STK31: variants seen among roughly 807,000 people sequenced by gnomAD.
STK31 encodes serine/threonine kinase 31, also known as serine/threonine-protein kinase 31.
Under a neutral mutation model 129.7 loss-of-function variants are expected in STK31, and 89 were observed. The ratio of observed to expected loss-of-function variants is 0.69; its 90% CI spans 0.58 to 0.82. The LOEUF is 0.82. STK31 is among the 40% of genes least tolerant of loss of function. STK31 has a pLI of 0.00. For synonymous variants in STK31, 448 were observed against 395.3 expected (o/e 1.13, Z -1.58); for missense variants, 1,187 against 1,176.4 (o/e 1.01, Z -0.13).
intron 8 of STK31, among the ~76,000 whole-genome samples, chr7:23,748,181 C>T (rs1340445528): frequency 6.6e-6 from 1 of 152,116 alleles, no homozygotes; most frequent in Admixed American, 6.5e-5. Context: ...TTAAATTTGT[C>T]ATGAGATTTC....
intron 1 of STK31, among the ~76,000 whole-genome samples, chr7:23,711,388 G>C (rs1785951639): frequency 6.7e-6 from 1 of 150,184 alleles, no homozygotes; most frequent in Non-Finnish European, 1.5e-5. Context: ...AGTGAGCTAA[G>C]ATCTCCAGCC....
intron 22 of STK31, among the ~76,000 whole-genome samples, chr7:23,802,707 T>G (rs1466663723): frequency 3.3e-5 from 5 of 152,090 alleles, no homozygotes; most frequent in African/African-American, 7.2e-5. Flanking sequence ...AGAGATGAGG[T>G]TTCACTATGT....
chr7:23,784,623 T>C (rs537295780), intron 17 of STK31, among the ~76,000 whole-genome samples: 1 of 152,252 alleles, frequency 6.6e-6, no homozygotes, highest in South Asian at 2.1e-4. Context: ...CTGTAATGTA[T>C]GCTTAGGAAT....
intron 15 of STK31, among the ~76,000 whole-genome samples, chr7:23,779,898 A>G (rs1227722370): frequency 6.6e-6 from 1 of 152,174 alleles, no homozygotes; most frequent in Non-Finnish European, 1.5e-5. Flanking sequence ...TAAATATTCC[A>G]GCAGCTAGCT....
chr7:23,806,901 G>GAAA (rs34751124), intron 22 of STK31, among the ~76,000 whole-genome samples: 54 of 75,898 alleles, frequency 7.1e-4, no homozygotes, highest in South Asian at 1.9e-3. Context: ...CTCCGTCTCA[G>GAAA]AAAAAAAAAA....
chr7:23,747,365 A>T (rs1177161814), intron 8 of STK31, among the ~76,000 whole-genome samples: 5 of 66,796 alleles, frequency 7.5e-5, no homozygotes, highest in South Asian at 1.0e-3. Flanking sequence ...TGTTCAGATT[A>T]TTTTTTTATT....
chr7:23,752,684 G>T (rs537190491), intron 8 of STK31, 33 bp from the exon 9 acceptor site: 1 of 1,463,132 alleles, frequency 6.8e-7, no homozygotes, highest in South Asian at 1.1e-5. Flanking sequence ...TCCTATTTGG[G>T]TCTCACGAGA....
intron 23 of STK31, among the ~76,000 whole-genome samples, chr7:23,825,244 G>A (rs1233422976): frequency 2.0e-5 from 3 of 152,060 alleles, no homozygotes; most frequent in African/African-American, 7.2e-5. Context: ...TTTTTTGGTT[G>A]GTAAGCTGTT....
At chr7:23,803,760 C>T (rs937028012) in intron 22 of STK31, among the ~76,000 whole-genome samples, 2 of 152,112 alleles carry the variant, frequency 1.3e-5, no homozygotes, top group Admixed American at 1.3e-4. Context: ...AAGTAGGCCC[C>T]GTGTCTGTTG....
chr7:23,754,346 G>T lies in STK31; in HGVS notation c.1165G>T (p.Asp389Tyr), dbSNP rs748853093. The T allele has an allele frequency of 1.2e-6, 2 of 1,612,550 alleles. No individual in the cohort carries two copies. Among genetic ancestry groups the T allele is most frequent in the South Asian group, 2.2e-5 (2 of 90,526 alleles). ...HVDISVRFGK[D>Y]LSDAIQVLDE... ...CGACATCAGTGTCCGTTTCGGAAAA[G>T]ACCTTTCAGATGCTATACAAGTGTT... The change falls in exon 10 of 24, where the codon GAC (aspartate) becomes TAC (tyrosine). Residue 389 changes from aspartate (D) to tyrosine (Y), a missense_variant. Physicochemically the swap from Asp to Tyr is radical, Grantham distance 160. Around this residue, in one of 5 missense-constraint regions of STK31, gnomAD observed 975 missense variants for 934.9 expected, o/e 1.04. Coordinates refer to ENST00000355870, the MANE Select transcript of STK31 (RefSeq NM_031414.5).
At chr7:23,767,845 A>G (rs1789927653) in intron 11 of STK31, among the ~76,000 whole-genome samples, 1 of 152,126 alleles carries the variant, frequency 6.6e-6, no homozygotes. Flanking sequence ...ATTCAATGCT[A>G]AACACCAACC....
At chr7:23,787,665 C>T (rs1562602758) in intron 20 of STK31, among the ~76,000 whole-genome samples, 1 of 151,794 alleles carries the variant, frequency 6.6e-6, no homozygotes, top group Non-Finnish European at 1.5e-5. Context: ...CAGTTTGATC[C>T]TGAAACCAAC....
chr7:23,721,286 A>AT, intron 4 of STK31: 2 of 589,162 alleles, frequency 3.4e-6, no homozygotes, highest in South Asian at 4.3e-5. Context: ...TACTGGTGGC[A>AT]TTCTTTCTCC....
intron 7 of STK31, among the ~76,000 whole-genome samples, 164 bp from the exon 8 acceptor site, chr7:23,736,740 T>G (rs892654103): frequency 1.3e-5 from 2 of 152,228 alleles, no homozygotes; most frequent in Admixed American, 6.5e-5. Flanking sequence ...AAATCTTGTT[T>G]GCATTAAATT....
chr7:23,826,209 C>T (rs935292870), intron 23 of STK31, among the ~76,000 whole-genome samples: 1 of 152,176 alleles, frequency 6.6e-6, no homozygotes, highest in South Asian at 2.1e-4. Context: ...GTTAAAGTCT[C>T]CCATTATTAT....
intron 4 of STK31, chr7:23,726,059 G>T (rs530809270): frequency 2.5e-4 from 38 of 152,218 alleles, no homozygotes; most frequent in African/African-American, 8.7e-4. Context: ...CCGTTTTTAG[G>T]GATCTGCCTC....
chr7:23,810,180 G>A (rs1792997490), intron 22 of STK31, among the ~76,000 whole-genome samples: 1 of 151,782 alleles, frequency 6.6e-6, no homozygotes. Context: ...AATTTTCTTT[G>A]CTCTAATGTC....
chr7:23,717,724 TATTA>T (rs1451669687), intron 4 of STK31, 145 bp downstream of exon 4: 7 of 626,878 alleles, frequency 1.1e-5, no homozygotes, highest in Non-Finnish European at 1.7e-5. Context: ...ATGGTATATT[TATTA>T]ATTCAAAAAT....
intron 22 of STK31, among the ~76,000 whole-genome samples, chr7:23,804,887 C>T (rs1047933375): frequency 4.6e-5 from 7 of 152,014 alleles, no homozygotes; most frequent in Admixed American, 4.6e-4. Flanking sequence ...TCTTTTCTTC[C>T]AGTTTATCAG....
Sources: gnomAD v4.1 joint callset for allele counts (sites outside exome capture counted in the v4.1 genomes callset) on GRCh38, gnomAD v4.1.1 for gene constraint, gnomAD v4.1.1 regional missense constraint, MANE v1.5 for transcripts, NCBI Gene and HGNC (gene_info 2026-07-23, HGNC 2026-07-21) for gene names.